Variants in GFOD1 observed in about 807,000 individuals in gnomAD.
GFOD1 encodes the protein Gfo/Idh/MocA-like oxidoreductase domain containing 1, also known as glucose-fructose oxidoreductase domain-containing protein 1.
GFOD1 carries 9 observed loss-of-function variants against 25.4 expected under a neutral mutation model. The observed-to-expected ratio is 0.35, with a 90% CI of 0.21 to 0.62. The LOEUF (loss-of-function observed/expected upper bound fraction) is 0.62. GFOD1 is among the 20% of genes least tolerant of loss of function. GFOD1 has a pLI of 0.72. For synonymous variants in GFOD1, 253 were observed against 245.6 expected (o/e 1.03, Z -0.28); for missense variants, 403 against 556.9 (o/e 0.72, Z 2.78).
intron 1 of GFOD1, among the ~76,000 whole-genome samples, chr6:13,436,757 T>G (rs1757839120): frequency 6.6e-6 from 1 of 152,378 alleles, no homozygotes; most frequent in East Asian, 1.9e-4. Context: ...GGCACATACT[T>G]AATCATTCTG....
At chr6:13,445,507 A>C (rs1232004567) in intron 1 of GFOD1, among the ~76,000 whole-genome samples, 9 of 152,124 alleles carry the variant, frequency 5.9e-5, no homozygotes, top group Admixed American at 5.9e-4. Context: ...CATTATCCAG[A>C]GCCAAGGACA....
At chr6:13,470,911 T>C (rs1758488778) in intron 1 of GFOD1, among the ~76,000 whole-genome samples, 1 of 152,088 alleles carries the variant, frequency 6.6e-6, no homozygotes, top group Non-Finnish European at 1.5e-5. Flanking sequence ...TCCCTAAAGA[T>C]TGCTCACACA....
At chr6:13,478,666 G>C (rs1465493032) in intron 1 of GFOD1, among the ~76,000 whole-genome samples, 1 of 152,224 alleles carries the variant, frequency 6.6e-6, no homozygotes, top group East Asian at 1.9e-4. Flanking sequence ...GGGTGCGGGG[G>C]CAGGGCTGCA....
intron 1 of GFOD1, among the ~76,000 whole-genome samples, chr6:13,461,203 T>C (rs563923525): frequency 6.6e-6 from 1 of 152,182 alleles, no homozygotes; most frequent in Non-Finnish European, 1.5e-5. Flanking sequence ...ATGTTTGCAG[T>C]CTCCTTCACA....
intron 1 of GFOD1, among the ~76,000 whole-genome samples, chr6:13,399,402 A>G (rs993202232): frequency 2.6e-5 from 4 of 152,242 alleles, no homozygotes; most frequent in African/African-American, 2.4e-5. Flanking sequence ...ATGAAAACAT[A>G]TATCTACACA....
chr6:13,441,682 CTAAT>C (rs1427531510), intron 1 of GFOD1, among the ~76,000 whole-genome samples: 3 of 152,078 alleles, frequency 2.0e-5, no homozygotes, highest in South Asian at 4.1e-4. Flanking sequence ...TTGACATAGA[CTAAT>C]TGATATAAAC....
intron 1 of GFOD1, among the ~76,000 whole-genome samples, chr6:13,459,743 G>GA (rs1359591779): frequency 6.6e-6 from 1 of 152,124 alleles, no homozygotes; most frequent in East Asian, 1.9e-4. Flanking sequence ...ACAAACATAT[G>GA]AAAAAAAGCT....
intron 1 of GFOD1, among the ~76,000 whole-genome samples, chr6:13,466,859 C>A (rs1584668616): frequency 1.3e-5 from 2 of 152,176 alleles, no homozygotes; most frequent in East Asian, 3.9e-4. Flanking sequence ...CTCAGCAGTG[C>A]CATTAAAGAG....
intron 1 of GFOD1, chr6:13,470,138 T>C (rs1035040243): frequency 2.0e-6 from 3 of 1,497,382 alleles, no homozygotes; most frequent in Non-Finnish European, 2.7e-6. Flanking sequence ...ATCCTGTTGG[T>C]GAATGTAGCC....
At chr6:13,393,147 G>C (rs1192906656) in intron 1 of GFOD1, among the ~76,000 whole-genome samples, 1 of 151,976 alleles carries the variant, frequency 6.6e-6, no homozygotes, top group Non-Finnish European at 1.5e-5. Flanking sequence ...CTTGAGGTCA[G>C]GATTTCAAGA....
chr6:13,387,673 C>A (rs1182611037), intron 1 of GFOD1, among the ~76,000 whole-genome samples: 1 of 152,166 alleles, frequency 6.6e-6, no homozygotes, highest in Non-Finnish European at 1.5e-5. Context: ...ACTGAATGGG[C>A]ACCAACTGGA....
intron 1 of GFOD1, among the ~76,000 whole-genome samples, chr6:13,449,662 A>G (rs1161170875): frequency 6.6e-6 from 1 of 152,116 alleles, no homozygotes; most frequent in Non-Finnish European, 1.5e-5. Flanking sequence ...GGTAGTGAAT[A>G]AGCCTCACAA....
chr6:13,422,112 C>T (rs1490858048), intron 1 of GFOD1, among the ~76,000 whole-genome samples: 4 of 152,080 alleles, frequency 2.6e-5, no homozygotes, highest in Admixed American at 6.5e-5. Context: ...AACACACACA[C>T]AGGACAAGAA....
rs755723408 is a variant in GFOD1 at position 13,365,291 on chromosome 6, T to C, written c.625A>G (p.Ile209Val). 6 of 1,614,168 alleles carry C rather than the reference T, an allele frequency of 3.7e-6. No individual in the cohort carries two copies. The highest frequency in any genetic ancestry group is 5.1e-6 in the Non-Finnish European group (6 of 1,180,008). ...CTGGTGATCTGTCGGATGCCCTTGA[T>C]GTGGTCAGTCTGCTTCACGAAGGTC... is the stretch of plus-strand genomic sequence containing the variant. The part of the protein sequence containing the change: ...LKTFVKQTDH[I>V]KGIRQITSDD... Residue 209 changes from isoleucine to valine, a missense_variant, in exon 2 of 2, where the codon ATC becomes GTC. Ile to Val is a conservative substitution (Grantham distance 29, BLOSUM62 3). Coordinates refer to ENST00000379287, the MANE Select transcript of GFOD1 (RefSeq NM_018988.4). The surrounding 1 kb of genome is among the most constrained non-coding windows in gnomAD (Gnocchi z 9.2).
In GFOD1 at chr6:13,359,945, CAAA is replaced by C. The variant is rs3037754; in HGVS notation, c.*4795_*4797del. The stretch of plus-strand genomic sequence containing the variant: ...TGGGTGACAGAGTAAGACTCTGTCT[CAAA>C]AAAAAAAAAAAAAGGATTTCCAGAT... On this transcript the variant is annotated 3_prime_UTR_variant, in exon 2 of 2. Transcript: ENST00000379287. The C allele has an allele frequency of 1.7e-4, 15 of 90,622 alleles. No homozygotes were observed. The highest frequency in any genetic ancestry group is 3.5e-4 in the East Asian group (1 of 2,870). The allele number at this position is 90,622 out of a possible 1,614,324, so 5.6% of individuals were successfully genotyped here. A position where few individuals can be genotyped will look rare whatever the true frequency, so the allele number is the denominator to read the frequency against.
At chr6:13,432,829 C>T (rs1039243772) in intron 1 of GFOD1, among the ~76,000 whole-genome samples, 2 of 152,172 alleles carry the variant, frequency 1.3e-5, no homozygotes, top group Non-Finnish European at 2.9e-5. Flanking sequence ...TCTGTCTCCC[C>T]TTCCTACACT....
intron 1 of GFOD1, among the ~76,000 whole-genome samples, chr6:13,474,608 T>C (rs1758576763): frequency 6.6e-6 from 1 of 152,182 alleles, no homozygotes; most frequent in Non-Finnish European, 1.5e-5. Flanking sequence ...CATGTTTGCC[T>C]ATGCGCTCTT....
chr6:13,382,985 C>A (rs1330934384), intron 1 of GFOD1, among the ~76,000 whole-genome samples: 1 of 152,182 alleles, frequency 6.6e-6, no homozygotes, highest in African/African-American at 2.4e-5. Context: ...CATGTCCCTG[C>A]AAAGGACATG....
intron 1 of GFOD1, among the ~76,000 whole-genome samples, chr6:13,400,302 A>T (rs900293604): frequency 1.3e-5 from 2 of 152,184 alleles, no homozygotes; most frequent in Non-Finnish European, 2.9e-5. Context: ...TCTCTCTATT[A>T]TCCAGGAATC....
Sources: allele counts gnomAD v4.1 joint callset (sites outside exome capture counted in the v4.1 genomes callset), GRCh38; gene constraint gnomAD v4.1.1; non-coding constraint Gnocchi (gnomAD v3.1); transcripts MANE v1.5; gene names NCBI Gene and HGNC (gene_info 2026-07-23, HGNC 2026-07-21).